The following GNAS variants were observed in gnomAD, a reference collection of about 807,000 sequenced individuals.
The protein encoded by GNAS is GNAS complex locus.
Under a neutral mutation model 54.5 loss-of-function variants are expected in GNAS, and 8 were observed. The observed-to-expected ratio is 0.15, with a 90% CI of 0.09 to 0.26. The LOEUF is 0.26. GNAS is among the 10% of genes least tolerant of loss of function. The pLI is 1.00. For synonymous variants in GNAS, 204 were observed against 191.4 expected (o/e 1.07, Z -0.54); for missense variants, 170 against 529.8 (o/e 0.32, Z 6.67).
At chr20:58,889,271 T>A, upstream of GNAS, 1 of 1,041,292 alleles carries the variant, frequency 9.6e-7, no homozygotes, top group Non-Finnish European at 1.2e-6. Context: ...GCGCGGCGGC[T>A]GGAGCGAGCC....
chr20:58,910,866 C>A lies in GNAS; in HGVS notation c.*37C>A. The stretch of plus-strand genomic sequence containing the variant: ...CCAAATTTAATTAAAGCCTTAAGCA[C>A]AATTAATTAAAAGTGAAACGTAATT... On this transcript the variant is annotated 3_prime_UTR_variant, in exon 13 of 13. Transcript: ENST00000371085. The surrounding 1 kb of genome is among the most constrained non-coding windows in gnomAD (Gnocchi z 5.8). The A allele has an allele frequency of 6.3e-7, 1 of 1,593,222 alleles. No homozygotes were observed. The highest frequency in any genetic ancestry group is 8.6e-7 in the Non-Finnish European group (1 of 1,161,380).
At position 58,910,579 on chromosome 20, in the gene GNAS, C is replaced by T; in HGVS notation, c.1039-104C>T. On this transcript the variant is annotated intron_variant, in intron 12 of 12. Transcript: ENST00000371085. This position sits in a 1 kb window ranked among gnomAD's most constrained non-coding sequence, Gnocchi z 5.8. ...TCTTTTTGCTTTTGTTTTCATATGA[C>T]ATCAGAGGCTGGCTGACAGCCGTCC... 1 of 1,393,102 alleles carries T rather than the reference C, an allele frequency of 7.2e-7. No individual in the cohort carries two copies. 86.3% of individuals were successfully genotyped at this position (1,393,102 alleles called of 1,614,324 possible).
intron 1 of GNAS, among the ~76,000 whole-genome samples, chr20:58,893,066 C>CTTTTTT (rs869179421): frequency 6.8e-5 from 7 of 103,092 alleles, no homozygotes; most frequent in African/African-American, 1.2e-4. Flanking sequence ...GGCGTGGTTT[C>CTTTTTT]TTTTTTTTTT....
At chr20:58,896,765 T>C (rs2090105406) in intron 2 of GNAS, among the ~76,000 whole-genome samples, 1 of 152,236 alleles carries the variant, frequency 6.6e-6, no homozygotes, top group African/African-American at 2.4e-5. Context: ...GGCACAGTCC[T>C]GTTCCCTTTC....
chr20:58,909,472 C>A lies in GNAS; in HGVS notation c.659+49C>A, dbSNP rs1265574957. Reference sequence around the variant, plus strand: ...TATAACAGAGATCATGGTTTCTTGACATTCACCCCAGTCCCTCTGGAATAA... The same window carrying A: ...TATAACAGAGATCATGGTTTCTTGAAATTCACCCCAGTCCCTCTGGAATAA... On this transcript the variant is annotated intron_variant, in intron 8 of 12. Transcript: ENST00000371085. This position sits in a 1 kb window ranked among gnomAD's most constrained non-coding sequence, Gnocchi z 7.3. The A allele has an allele frequency of 6.2e-7, 1 of 1,609,854 alleles. No individual in the cohort carries two copies. Among genetic ancestry groups the A allele is most frequent in the South Asian group, 1.1e-5 (1 of 90,996 alleles).
At chr20:58,859,489 G>T (rs1007577604) in intron 1 of GNAS, among the ~76,000 whole-genome samples, 2 of 151,982 alleles carry the variant, frequency 1.3e-5, no homozygotes, top group African/African-American at 4.8e-5. Flanking sequence ...GAGCCACTGT[G>T]CCTGGCCACA....
intron 1 of GNAS, among the ~76,000 whole-genome samples, chr20:58,871,635 A>G (rs1469994121): frequency 8.6e-6 from 1 of 115,764 alleles, no homozygotes. Flanking sequence ...AAAAACAAAC[A>G]ACAAAAAAAA....
At chr20:58,876,143 A>G (rs183160138) in intron 1 of GNAS, among the ~76,000 whole-genome samples, 56 of 152,282 alleles carry the variant, frequency 3.7e-4, no homozygotes, top group African/African-American at 1.2e-3. Context: ...AGATATTAGC[A>G]ATACTCTTAT....
In GNAS at chr20:58,857,666, T is replaced by C. The variant is rs115404944; in HGVS notation, c.43+16780T>C. Among the ~76,000 whole-genome samples, 3,050 of 151,930 alleles carry C rather than the reference T, an allele frequency of 0.02. 106 individuals carry two copies. The highest frequency in any genetic ancestry group is 0.069 in the African/African-American group (2,861 of 41,426). Reference sequence around the variant, plus strand: ...TTGAGTCTTCTATTCTTCCTGGAGGTGGGGGGTGGAGGAGACACAGTCTAC... The same window carrying C: ...TTGAGTCTTCTATTCTTCCTGGAGGCGGGGGGTGGAGGAGACACAGTCTAC... On this transcript the variant is annotated intron_variant, in intron 1 of 12. Transcript: ENST00000306090. The surrounding 1 kb of genome is among the most constrained non-coding windows in gnomAD (Gnocchi z 4.1).
chr20:58,855,598 G>C, intron 1 of GNAS: 1 of 717,382 alleles, frequency 1.4e-6, no homozygotes, highest in Non-Finnish European at 2.6e-6. Flanking sequence ...TTTCCGGCTG[G>C]ACAGGCCAGC....
Position 58,910,821 on chromosome 20 carries a change from C to T in GNAS, c.1177C>T (p.Leu393=), listed in dbSNP as rs1443902381. The T allele has an allele frequency of 1.9e-6, 3 of 1,613,964 alleles. No individual in the cohort carries two copies. The highest frequency in any genetic ancestry group is 2.7e-5 in the African/African-American group (2 of 74,930). ...IQRMHLRQYE[L]L is the part of the protein sequence containing the mutation. The stretch of plus-strand genomic sequence containing the variant: ...GCGCATGCACCTTCGTCAGTACGAG[C>T]TGCTCTAAGAAGGGAACCCCCAAAT... The change falls in exon 13 of 13, where the codon CTG becomes TTG. Residue 393 remains leucine, a synonymous_variant. Coordinates refer to ENST00000371085, the MANE Select transcript of GNAS (RefSeq NM_000516.7). The surrounding 1 kb of genome is among the most constrained non-coding windows in gnomAD (Gnocchi z 5.8).
At chr20:58,906,507 C>T (rs1191648478) in intron 6 of GNAS, among the ~76,000 whole-genome samples, 3 of 152,156 alleles carry the variant, frequency 2.0e-5, no homozygotes, top group Non-Finnish European at 4.4e-5. Context: ...ATGTGGTGGT[C>T]AGGGTTATTT....
chr20:58,892,271 G>A, intron 1 of GNAS: 2 of 793,230 alleles, frequency 2.5e-6, no homozygotes, highest in African/African-American at 1.9e-5. Flanking sequence ...CAAAAAGAGG[G>A]TTTCGGGGAC....
At chr20:58,884,149 G>A (rs796346269) in intron 1 of GNAS, among the ~76,000 whole-genome samples, 2 of 152,134 alleles carry the variant, frequency 1.3e-5, no homozygotes, top group African/African-American at 4.8e-5. Context: ...AGACCATAAC[G>A]GCAGGGCTGT....
intron 1 of GNAS, among the ~76,000 whole-genome samples, chr20:58,851,227 G>A (rs2086159080): frequency 6.6e-6 from 1 of 152,208 alleles, no homozygotes; most frequent in Middle Eastern, 3.2e-3. Context: ...TCCGTGCTGC[G>A]TGGCCACATG....
intron 3 of GNAS, 64 bp downstream of exon 3, chr20:58,899,049 G>A: frequency 8.2e-7 from 1 of 1,218,694 alleles, no homozygotes; most frequent in Non-Finnish European, 1.2e-6. Context: ...ATCATACTGG[G>A]AAACTGAGGC....
chr20:58,893,217 C>CT (rs1376107383), intron 1 of GNAS, among the ~76,000 whole-genome samples: 1 of 150,026 alleles, frequency 6.7e-6, no homozygotes, highest in East Asian at 2.0e-4. Context: ...TTTGGGTTTT[C>CT]TTTTTTTGAT....
At position 58,857,096 on chromosome 20, in the gene GNAS, A is replaced by C. The variant is rs2086555403; in HGVS notation, c.43+16210A>C. On this transcript the variant is annotated intron_variant, in intron 1 of 12. Coordinates refer to the GNAS transcript ENST00000306090. The surrounding 1 kb of genome is among the most constrained non-coding windows in gnomAD (Gnocchi z 4.1). ...CATTTTATTCTCTAAGACTTTCTCT[A>C]AGACCTTCCAAGGGATTTCAAGATC... 1 of 152,210 alleles carries C rather than the reference A, an allele frequency of 6.6e-6. No homozygotes were observed. The highest frequency in any genetic ancestry group is 1.5e-5 in the Non-Finnish European group (1 of 68,040). 9.4% of individuals were successfully genotyped at this position (152,210 alleles called of 1,614,324 possible). A position where few individuals can be genotyped will look rare whatever the true frequency, so the allele number is the denominator to read the frequency against.
At chr20:58,866,516 A>G (rs1407408402) in intron 1 of GNAS, among the ~76,000 whole-genome samples, 1 of 152,194 alleles carries the variant, frequency 6.6e-6, no homozygotes. Flanking sequence ...TTGTGATCTT[A>G]ATTTTAAACA....
Sources: allele counts gnomAD v4.1 joint callset (sites outside exome capture counted in the v4.1 genomes callset), GRCh38; gene constraint gnomAD v4.1.1; non-coding constraint Gnocchi (gnomAD v3.1); transcripts MANE v1.5; gene names NCBI Gene and HGNC (gene_info 2026-07-23, HGNC 2026-07-21).